PROS1: variants seen among roughly 807,000 people sequenced by gnomAD.
The protein encoded by PROS1 is vitamin K-dependent protein S.
A neutral mutation model predicts 75.9 loss-of-function variants in PROS1; 29 were observed. The observed-to-expected ratio is 0.38, with a 90% CI of 0.28 to 0.52. The LOEUF is 0.52. Among genes scored for constraint, PROS1 ranks in the 20% least tolerant of loss-of-function variants. The probability of loss-of-function intolerance (pLI) is 0.83; values close to 1 mark genes in which losing one functional copy is unlikely to be tolerated. For synonymous variants in PROS1, 245 were observed against 280.6 expected (o/e 0.87, Z 1.27); for missense variants, 680 against 810.3 (o/e 0.84, Z 1.95).
intron 1 of PROS1, among the ~76,000 whole-genome samples, chr3:93,959,525 T>C (rs1709668347): frequency 6.6e-6 from 1 of 152,168 alleles, no homozygotes; most frequent in Non-Finnish European, 1.5e-5. Flanking sequence ...CCTCTGGCCA[T>C]TCTGCAAAAA....
At chr3:93,933,705 C>T (rs1293035661) in intron 1 of PROS1, among the ~76,000 whole-genome samples, 2 of 152,214 alleles carry the variant, frequency 1.3e-5, no homozygotes, top group Admixed American at 6.5e-5. Context: ...GAGCTGATCA[C>T]TTGAAGTCAG....
At chr3:93,894,973 A>T (rs1220760358) in intron 9 of PROS1, among the ~76,000 whole-genome samples, 1 of 151,706 alleles carries the variant, frequency 6.6e-6, no homozygotes, top group Non-Finnish European at 1.5e-5. Flanking sequence ...AAATGAACAA[A>T]CTCCTGGAGA....
Position 93,971,399 on chromosome 3 carries a change from ATAAT to A in PROS1, c.76+2271_76+2274del, listed in dbSNP as rs566302298. ...AATAAATAAATAAATAAATAAATAA[ATAAT>A]TCTAAATAAAGAACTACACAATGAA... is the stretch of plus-strand genomic sequence containing the variant. On this transcript the variant is annotated intron_variant, in intron 1 of 14. Coordinates refer to ENST00000394236, the MANE Select transcript of PROS1 (RefSeq NM_000313.4). Among the ~76,000 whole-genome samples the A allele has an allele frequency of 5.6e-3, 735 of 130,534 alleles. 6 individuals carry two copies. The highest frequency in any genetic ancestry group is 0.037 in the Middle Eastern group (8 of 214). The allele number at this position is 130,534 out of a possible 152,430, so 85.6% of individuals were successfully genotyped here.
At chr3:93,960,853 C>G (rs933343747) in intron 1 of PROS1, among the ~76,000 whole-genome samples, 46 of 150,538 alleles carry the variant, frequency 3.1e-4, no homozygotes, top group African/African-American at 1.1e-3. Context: ...TCAGAGGGCT[C>G]TAATAAAAGT....
chr3:93,952,429 C>A (rs1709516850), intron 1 of PROS1, among the ~76,000 whole-genome samples: 1 of 152,136 alleles, frequency 6.6e-6, no homozygotes, highest in Non-Finnish European at 1.5e-5. Context: ...GAAACTCACT[C>A]AAAACCACTC....
chr3:93,873,875 C>A lies in PROS1; in HGVS notation c.*370G>T. ...CTATGATTAATAGTATTTAATTACACGCACTTTTGTTTGAGTTTACTTCCT... is the reference window on the plus strand; with the variant it reads ...CTATGATTAATAGTATTTAATTACAAGCACTTTTGTTTGAGTTTACTTCCT... On this transcript the variant is annotated 3_prime_UTR_variant, in exon 15 of 15. Transcript: ENST00000394236. The A allele has an allele frequency of 4.2e-6, 1 of 240,900 alleles. No individual in the cohort carries two copies. Among genetic ancestry groups the A allele is most frequent in the South Asian group, 5.2e-5 (1 of 19,068 alleles). 14.9% of individuals were successfully genotyped at this position (240,900 alleles called of 1,614,324 possible). A position where few individuals can be genotyped will look rare whatever the true frequency, so the allele number is the denominator to read the frequency against.
In PROS1 at chr3:93,905,917, T is replaced by TAA; in HGVS notation, c.470-4_470-3dup. The TAA allele has an allele frequency of 5.0e-6, 8 of 1,612,802 alleles. No homozygotes were observed. The highest frequency in any genetic ancestry group is 6.8e-6 in the Non-Finnish European group (8 of 1,179,422). On this transcript the variant is annotated splice_polypyrimidine_tract_variant and splice_region_variant and intron_variant, in intron 5 of 14. Coordinates refer to ENST00000394236, the MANE Select transcript of PROS1 (RefSeq NM_000313.4). ...AGGGATCTTTGCATTCATTTATGTC[T>TAA]AAAACAGGAAAAAAATAAATTATTT...
Position 93,927,339 on chromosome 3 carries a change from T to C in PROS1, c.145A>G (p.Thr49Ala). 1 of 1,613,958 alleles carries C rather than the reference T, an allele frequency of 6.2e-7. No individual in the cohort carries two copies. The change falls in exon 2 of 15, where the codon ACC becomes GCC. Residue 49 changes from threonine (T) to alanine (A), a missense_variant. Coordinates refer to ENST00000394236, the MANE Select transcript of PROS1 (RefSeq NM_000313.4). ...KRRANSLLEE[T>A]KQGNLERECI... ...TCTCTTTCAAGATTACCCTGTTTGGTTTCTTCAAGTAAAGAATTTGCACGA... is the reference window on the plus strand; with the variant it reads ...TCTCTTTCAAGATTACCCTGTTTGGCTTCTTCAAGTAAAGAATTTGCACGA...
intron 6 of PROS1, among the ~76,000 whole-genome samples, chr3:93,903,903 A>G (rs569381435): frequency 6.0e-5 from 9 of 151,258 alleles, no homozygotes; most frequent in Non-Finnish European, 8.8e-5. Flanking sequence ...CCATGCTGGC[A>G]CGCTGCACCC....
At chr3:93,936,493 G>A (rs1312624018) in intron 1 of PROS1, among the ~76,000 whole-genome samples, 6 of 152,052 alleles carry the variant, frequency 3.9e-5, no homozygotes, top group South Asian at 2.1e-4. Flanking sequence ...AGGGACTCAG[G>A]GGAGTTCTCT....
chr3:93,905,821 AT>A lies in PROS1; in HGVS notation c.563del (p.Asn188MetfsTer20), dbSNP rs753544869. ...TCTTATTTGAAAGCATAACAAAACC[AT>A]TTTTACAGGAACAGTGGTAACTTCC... Reference protein sequence around the residue: ...TPGSYHCSCKNGFVMLSNKKD... With the variant: ...TPGSYHCSCKXGFVMLSNKKD... On this transcript the variant is annotated frameshift_variant, in exon 6 of 15. Transcript: ENST00000394236. LOFTEE classifies it high-confidence loss of function. 6.2e-7 allele frequency: 1 copy of A among 1,612,970 alleles called. No homozygotes were observed. The highest frequency in any genetic ancestry group is 2.2e-5 in the East Asian group (1 of 44,842).
chr3:93,953,227 G>C (rs1484318108), intron 1 of PROS1, among the ~76,000 whole-genome samples: 2 of 152,138 alleles, frequency 1.3e-5, no homozygotes, highest in Non-Finnish European at 2.9e-5. Flanking sequence ...CTCATTTTAT[G>C]AGGCCAGCAT....
At chr3:93,906,240 TG>T in intron 4 of PROS1, 97 bp from the exon 5 acceptor site, 1 of 1,359,688 alleles carries the variant, frequency 7.4e-7, no homozygotes, top group Non-Finnish European at 1.0e-6. Flanking sequence ...CTAGAACCAA[TG>T]AAAAAAAAAC....
chr3:93,925,129 A>G (rs1708998481), intron 2 of PROS1, among the ~76,000 whole-genome samples: 1 of 152,210 alleles, frequency 6.6e-6, no homozygotes, highest in South Asian at 2.1e-4. Context: ...GAAAAATGTT[A>G]AAAATTTCTG....
At chr3:93,881,590 C>T (rs1315826245) in intron 12 of PROS1, among the ~76,000 whole-genome samples, 1 of 132,346 alleles carries the variant, frequency 7.6e-6, no homozygotes, top group African/African-American at 2.9e-5. Context: ...GACATGCTCA[C>T]ACTCTGTCAT....
chr3:93,915,671 C>T (rs1282134508), intron 3 of PROS1, among the ~76,000 whole-genome samples: 1 of 152,158 alleles, frequency 6.6e-6, no homozygotes, highest in Non-Finnish European at 1.5e-5. Flanking sequence ...TTCTCATTTC[C>T]ATCTAGGATC....
chr3:93,952,926 T>C (rs888528620), intron 1 of PROS1, among the ~76,000 whole-genome samples: 3 of 152,146 alleles, frequency 2.0e-5, no homozygotes, highest in African/African-American at 7.2e-5. Flanking sequence ...AAGTACTAAC[T>C]ACCATCAGAG....
chr3:93,888,815 G>C (rs1289958499), intron 10 of PROS1, among the ~76,000 whole-genome samples: 1 of 151,920 alleles, frequency 6.6e-6, no homozygotes, highest in Non-Finnish European at 1.5e-5. Context: ...AAAGCCATTA[G>C]CTTCTGATTG....
chr3:93,964,937 A>G (rs960956063), intron 1 of PROS1, among the ~76,000 whole-genome samples: 15 of 152,230 alleles, frequency 9.9e-5, no homozygotes, highest in African/African-American at 3.6e-4. Context: ...CCAACTAAGA[A>G]TCCCTAAGCC....
Sources: gnomAD v4.1 joint callset for allele counts (sites outside exome capture counted in the v4.1 genomes callset) on GRCh38, gnomAD v4.1.1 for gene constraint, MANE v1.5 for transcripts, NCBI Gene and HGNC (gene_info 2026-07-23, HGNC 2026-07-21) for gene names.